The following NOVA1 variants were observed in gnomAD, a reference collection of about 807,000 sequenced individuals.
NOVA1 encodes the protein NOVA alternative splicing regulator 1.
NOVA1 carries 7 observed loss-of-function variants against 38.0 expected under a neutral mutation model. The ratio of observed to expected loss-of-function variants is 0.18; its 90% CI spans 0.10 to 0.35. The LOEUF (loss-of-function observed/expected upper bound fraction) is 0.35, where lower values mean the gene tolerates loss of function less well. Among genes scored for constraint, NOVA1 ranks in the 10% least tolerant of loss-of-function variants. The pLI is 1.00. For synonymous variants in NOVA1, 270 were observed against 232.5 expected, an observed-to-expected ratio of 1.16 and a Z score of -1.47; for missense variants, 460 against 616.0, an observed-to-expected ratio of 0.75 and a Z score of 2.68.
At chr14:26,455,313 TTAC>T (rs923659155) in intron 4 of NOVA1, among the ~76,000 whole-genome samples, 2 of 152,300 alleles carry the variant, frequency 1.3e-5, no homozygotes, top group Non-Finnish European at 2.9e-5. Context: ...TTCTCCAGTC[TTAC>T]TACTTTATCC....
chr14:26,511,667 G>A (rs893906368), intron 2 of NOVA1, among the ~76,000 whole-genome samples: 16 of 151,862 alleles, frequency 1.1e-4, no homozygotes, highest in African/African-American at 2.7e-4. Flanking sequence ...CAGGAGAATC[G>A]CTTGAACCTG....
At chr14:26,468,185 A>C (rs1330751697) in intron 4 of NOVA1, among the ~76,000 whole-genome samples, 1 of 152,134 alleles carries the variant, frequency 6.6e-6, no homozygotes, top group Non-Finnish European at 1.5e-5. Context: ...CAAGAAGCAA[A>C]CAGCCAAGTT....
chr14:26,597,117 C>A, intron 1 of NOVA1, 184 bp downstream of exon 1: 3 of 1,228,164 alleles, frequency 2.4e-6, no homozygotes, highest in Non-Finnish European at 3.0e-6. Flanking sequence ...TCGGGGACAC[C>A]TAGGCGCGGG....
intron 2 of NOVA1, among the ~76,000 whole-genome samples, chr14:26,563,459 A>G (rs1312108899): frequency 6.6e-6 from 1 of 152,052 alleles, no homozygotes; most frequent in African/African-American, 2.4e-5. Flanking sequence ...AATAACTACA[A>G]TTTTAAGATT....
chr14:26,564,184 T>C (rs1470593888), intron 2 of NOVA1, among the ~76,000 whole-genome samples: 1 of 152,152 alleles, frequency 6.6e-6, no homozygotes, highest in African/African-American at 2.4e-5. Flanking sequence ...CAGGACCTCA[T>C]AGGGCCTGAC....
chr14:26,489,966 A>G (rs1886210544), intron 2 of NOVA1, among the ~76,000 whole-genome samples: 1 of 152,186 alleles, frequency 6.6e-6, no homozygotes, highest in Non-Finnish European at 1.5e-5. Flanking sequence ...TCTTTCCAAA[A>G]GTTTTTCATT....
chr14:26,501,667 G>A (rs1322290674), intron 2 of NOVA1, among the ~76,000 whole-genome samples: 2 of 151,688 alleles, frequency 1.3e-5, no homozygotes, highest in Non-Finnish European at 2.9e-5. Flanking sequence ...AGGAATCAAG[G>A]TATTGTCCTT....
chr14:26,507,150 A>G (rs908490172), intron 2 of NOVA1, among the ~76,000 whole-genome samples: 1 of 152,164 alleles, frequency 6.6e-6, no homozygotes, highest in Non-Finnish European at 1.5e-5. Context: ...ATGCTATAAC[A>G]AACAAGCACT....
intron 4 of NOVA1, among the ~76,000 whole-genome samples, chr14:26,469,369 T>C (rs1474772492): frequency 1.3e-5 from 2 of 152,212 alleles, no homozygotes; most frequent in African/African-American, 2.4e-5. Context: ...CCAATACTAA[T>C]ACTAGAATCT....
chr14:26,537,647 T>C (rs928375553), intron 2 of NOVA1, among the ~76,000 whole-genome samples: 4 of 152,094 alleles, frequency 2.6e-5, no homozygotes, highest in African/African-American at 9.7e-5. Flanking sequence ...TGCCCAACAA[T>C]AGCCCCATAC....
At chr14:26,564,050 G>C (rs1753072801) in intron 2 of NOVA1, among the ~76,000 whole-genome samples, 2 of 152,090 alleles carry the variant, frequency 1.3e-5, no homozygotes, top group South Asian at 2.1e-4. Flanking sequence ...TAATAAGTGG[G>C]AGTGGAAATT....
At chr14:26,564,293 C>T (rs1419586205) in intron 2 of NOVA1, among the ~76,000 whole-genome samples, 1 of 152,108 alleles carries the variant, frequency 6.6e-6, no homozygotes, top group African/African-American at 2.4e-5. Flanking sequence ...AGCATAATAG[C>T]ACTTACAACG....
intron 2 of NOVA1, among the ~76,000 whole-genome samples, chr14:26,582,316 CCTGA>C (rs1225313154): frequency 6.6e-6 from 1 of 151,680 alleles, no homozygotes; most frequent in Non-Finnish European, 1.5e-5. Flanking sequence ...AACGCAATCT[CCTGA>C]CTGATTTGAA....
chr14:26,583,077 G>C (rs1045094873), intron 2 of NOVA1, among the ~76,000 whole-genome samples: 1 of 151,680 alleles, frequency 6.6e-6, no homozygotes, highest in African/African-American at 2.4e-5. Context: ...AACAGAATAG[G>C]TATACGCTTC....
intron 2 of NOVA1, among the ~76,000 whole-genome samples, chr14:26,490,360 A>AC (rs1417027130): frequency 4.6e-5 from 7 of 152,298 alleles, no homozygotes; most frequent in Non-Finnish European, 7.3e-5. Context: ...TATTCTGTGT[A>AC]CAAACCTAGG....
intron 4 of NOVA1, among the ~76,000 whole-genome samples, chr14:26,471,095 T>C (rs113147394): frequency 7.8e-4 from 2 of 2,568 alleles, no homozygotes; most frequent in African/African-American, 8.2e-4. Flanking sequence ...CAGATGTGTA[T>C]TTACTAACCA....
At chr14:26,565,393 C>T (rs1450612290) in intron 2 of NOVA1, among the ~76,000 whole-genome samples, 1 of 152,106 alleles carries the variant, frequency 6.6e-6, no homozygotes, top group African/African-American at 2.4e-5. Context: ...GACATTCTTT[C>T]GTGTCCCTCA....
intron 2 of NOVA1, among the ~76,000 whole-genome samples, chr14:26,578,915 C>T (rs1318046249): frequency 6.6e-6 from 1 of 152,068 alleles, no homozygotes; most frequent in Non-Finnish European, 1.5e-5. Context: ...TCACTGTCAT[C>T]ATCTCTACAG....
intron 2 of NOVA1, among the ~76,000 whole-genome samples, chr14:26,584,696 T>C (rs1046668834): frequency 6.6e-6 from 1 of 151,394 alleles, no homozygotes; most frequent in Non-Finnish European, 1.5e-5. Flanking sequence ...TATATATGCC[T>C]TAAATGACTT....
Sources: allele counts gnomAD v4.1 joint callset (sites outside exome capture counted in the v4.1 genomes callset), GRCh38; gene constraint gnomAD v4.1.1; transcripts MANE v1.5; gene names NCBI Gene and HGNC (gene_info 2026-07-23, HGNC 2026-07-21).